Variants in IQCH observed in about 807,000 individuals in gnomAD.
IQCH encodes the protein IQ motif containing H, also known as IQ domain-containing protein H.
IQCH carries 98 observed loss-of-function variants against 117.0 expected under a neutral mutation model. The ratio of observed to expected loss-of-function variants is 0.84; its 90% CI spans 0.71 to 0.99. The LOEUF is 0.99. Among genes scored for constraint, IQCH ranks in the 50% least tolerant of loss-of-function variants. The pLI is 0.00. For missense variants in IQCH, 1,102 were observed against 1,243.8 expected (o/e 0.89, Z 1.72); for synonymous variants, 412 against 448.2 (o/e 0.92, Z 1.02).
intron 6 of IQCH, among the ~76,000 whole-genome samples, chr15:67,355,679 C>A (rs542057589): frequency 4.7e-4 from 71 of 152,112 alleles, no homozygotes; most frequent in African/African-American, 1.6e-3. Context: ...TTAACTCTGG[C>A]AAAATTTACC....
At position 67,458,163 on chromosome 15, in the gene IQCH, C is replaced by A. The variant is rs1296062722; in HGVS notation, c.2506-6964C>A. On this transcript the variant is annotated intron_variant, in intron 16 of 20. Coordinates refer to ENST00000335894, the MANE Select transcript of IQCH (RefSeq NM_001031715.3). This position sits in a 1 kb window ranked among gnomAD's most constrained non-coding sequence, Gnocchi z 4.1. The stretch of plus-strand genomic sequence containing the variant: ...AGTGCCTGAGATTTCAACCCACCCT[C>A]TATAACATGCTGTAACAAAGGCATC... Among the ~76,000 whole-genome samples the A allele has an allele frequency of 6.6e-6, 1 of 152,246 alleles. No homozygotes were observed. Among genetic ancestry groups the A allele is most frequent in the African/African-American group, 2.4e-5 (1 of 41,456 alleles).
rs1971138572 is a variant in IQCH, at chr15:67,387,322, CTATG to C, written c.1457-1500_1457-1497del. ...CCTCTAGGTCTCTAGAGAGATTTCT[CTATG>C]TATGTATGCCCTGCGTCTAGGTGTA... On this transcript the variant is annotated intron_variant, in intron 11 of 20. Coordinates refer to ENST00000335894, the MANE Select transcript of IQCH (RefSeq NM_001031715.3). The surrounding 1 kb of genome is among the most constrained non-coding windows in gnomAD (Gnocchi z 4.8). 1.3e-5 allele frequency among the ~76,000 whole-genome samples: 2 copies of C among 152,134 alleles called. No individual in the cohort carries two copies. Among genetic ancestry groups the C allele is most frequent in the Admixed American group, 6.6e-5 (1 of 15,266 alleles).
chr15:67,456,089 G>A lies in IQCH; in HGVS notation c.2506-9038G>A, dbSNP rs1343087977. 2.0e-5 allele frequency among the ~76,000 whole-genome samples: 3 copies of A among 152,082 alleles called. No individual in the cohort carries two copies. In the East Asian group the frequency reaches 5.8e-4, roughly 29 times the overall value. On this transcript the variant is annotated intron_variant, in intron 16 of 20. Coordinates refer to ENST00000335894, the MANE Select transcript of IQCH (RefSeq NM_001031715.3). The surrounding 1 kb of genome is among the most constrained non-coding windows in gnomAD (Gnocchi z 5.1). ...GAGGGAGGGTCATAAATGCATGGAG[G>A]CTGCAGAAGAAACTCAGAAAAGGAA...
chr15:67,259,516 G>A (rs1346224439), intron 1 of IQCH, among the ~76,000 whole-genome samples: 1 of 152,210 alleles, frequency 6.6e-6, no homozygotes, highest in Non-Finnish European at 1.5e-5. Flanking sequence ...TTCTTGCTAT[G>A]TACCAAGCCT....
intron 5 of IQCH, among the ~76,000 whole-genome samples, chr15:67,340,180 C>T (rs1969081878): frequency 1.3e-5 from 2 of 152,028 alleles, no homozygotes; most frequent in Admixed American, 6.6e-5. Context: ...GTAATCCCAG[C>T]ACTTTGGGAG....
chr15:67,490,302 T>C lies in IQCH; in HGVS notation c.2861+238T>C, dbSNP rs1220396424. Among the ~76,000 whole-genome samples, 1 of 151,966 alleles carries C rather than the reference T, an allele frequency of 6.6e-6. No individual in the cohort carries two copies. Among genetic ancestry groups the C allele is most frequent in the South Asian group, 2.1e-4 (1 of 4,794 alleles). On this transcript the variant is annotated intron_variant, in intron 19 of 20. Coordinates refer to ENST00000335894, the MANE Select transcript of IQCH (RefSeq NM_001031715.3). This position sits in a 1 kb window ranked among gnomAD's most constrained non-coding sequence, Gnocchi z 4.9. ...CTCACTGCAACCTCCACCTCCCGGG[T>C]TCAAGCGATTCTCCTGCCTCAGCCT...
At position 67,456,073 on chromosome 15, in the gene IQCH, T is replaced by A. The variant is rs1172157287; in HGVS notation, c.2506-9054T>A. 6.6e-6 allele frequency among the ~76,000 whole-genome samples: 1 copy of A among 151,838 alleles called. No individual in the cohort carries two copies. Among genetic ancestry groups the A allele is most frequent in the Non-Finnish European group, 1.5e-5 (1 of 67,966 alleles). On this transcript the variant is annotated intron_variant, in intron 16 of 20. Transcript: ENST00000335894. This position sits in a 1 kb window ranked among gnomAD's most constrained non-coding sequence, Gnocchi z 5.1. ...GGTCTTGAAAGTAATAGAGGGAGGG[T>A]CATAAATGCATGGAGGCTGCAGAAG...
At chr15:67,448,777 G>C (rs560240719) in intron 16 of IQCH, among the ~76,000 whole-genome samples, 1 of 152,218 alleles carries the variant, frequency 6.6e-6, no homozygotes, top group Admixed American at 6.5e-5. Context: ...GGTATTTCTA[G>C]TTGTAGATCC....
At chr15:67,349,928 A>C (rs900996764) in intron 6 of IQCH, among the ~76,000 whole-genome samples, 11 of 152,246 alleles carry the variant, frequency 7.2e-5, no homozygotes, top group African/African-American at 2.7e-4. Flanking sequence ...GTAGGGATGC[A>C]AAATGGTACA....
intron 4 of IQCH, among the ~76,000 whole-genome samples, chr15:67,312,597 A>C (rs1405475567): frequency 6.6e-6 from 1 of 152,204 alleles, no homozygotes; most frequent in African/African-American, 2.4e-5. Context: ...TAAGAATTAC[A>C]TCTTCTTGAG....
chr15:67,330,432 C>G (rs1224034011), intron 4 of IQCH, among the ~76,000 whole-genome samples: 2 of 152,180 alleles, frequency 1.3e-5, no homozygotes, highest in Non-Finnish European at 2.9e-5. Flanking sequence ...GTCCAGTGCT[C>G]CAAGCCCAAG....
Position 67,386,942 on chromosome 15 carries a change from T to G in IQCH, c.1457-1889T>G, listed in dbSNP as rs1596297359. ...GAAATTGGCAACATGATTCCTTTTATCATTTGTAACCTAGAAATTTTCTTC... is the reference window on the plus strand; with the variant it reads ...GAAATTGGCAACATGATTCCTTTTAGCATTTGTAACCTAGAAATTTTCTTC... On this transcript the variant is annotated intron_variant, in intron 11 of 20. Coordinates refer to ENST00000335894, the MANE Select transcript of IQCH (RefSeq NM_001031715.3). The surrounding 1 kb of genome is among the most constrained non-coding windows in gnomAD (Gnocchi z 5.0). Among the ~76,000 whole-genome samples, 3 of 152,302 alleles carry G rather than the reference T, an allele frequency of 2.0e-5. No individual in the cohort carries two copies. The East Asian group carries it at 5.8e-4, about 29-fold the overall frequency.
intron 10 of IQCH, among the ~76,000 whole-genome samples, chr15:67,375,829 C>A (rs1970717858): frequency 6.9e-6 from 1 of 144,444 alleles, no homozygotes; most frequent in South Asian, 2.2e-4. Flanking sequence ...CTCTGTCACC[C>A]AGGCTGGAGT....
chr15:67,264,362 A>G (rs1337135306), intron 3 of IQCH, among the ~76,000 whole-genome samples: 1 of 152,270 alleles, frequency 6.6e-6, no homozygotes, highest in Non-Finnish European at 1.5e-5. Flanking sequence ...GAATCTGGGC[A>G]CAGGTGAGCT....
At chr15:67,338,092 A>G (rs1968974435) in intron 5 of IQCH, among the ~76,000 whole-genome samples, 1 of 152,230 alleles carries the variant, frequency 6.6e-6, no homozygotes, top group Non-Finnish European at 1.5e-5. Context: ...GGAATACTGA[A>G]TAACACCAGC....
chr15:67,451,781 T>C (rs2082534299), intron 16 of IQCH, among the ~76,000 whole-genome samples: 1 of 152,318 alleles, frequency 6.6e-6, no homozygotes, highest in Admixed American at 6.5e-5. Context: ...GGTGTCCTTG[T>C]TAACTTTCTG....
At chr15:67,267,352 G>C (rs984902506) in intron 3 of IQCH, among the ~76,000 whole-genome samples, 2 of 152,108 alleles carry the variant, frequency 1.3e-5, no homozygotes, top group Non-Finnish European at 2.9e-5. Flanking sequence ...TCTCAGGGGG[G>C]CATCCTAGCA....
chr15:67,351,172 A>G lies in IQCH; in HGVS notation c.638-6173A>G, dbSNP rs368523484. On this transcript the variant is annotated intron_variant, in intron 6 of 20. Transcript: ENST00000335894. Reference sequence around the variant, plus strand: ...TGTGCCATGGTGGTTTGCTGCACCTATCAACCCATCATTTAGGTTTTAAGA... The same window carrying G: ...TGTGCCATGGTGGTTTGCTGCACCTGTCAACCCATCATTTAGGTTTTAAGA... 1.4e-4 allele frequency among the ~76,000 whole-genome samples: 22 copies of G among 152,220 alleles called. No individual in the cohort carries two copies. In the East Asian group the frequency reaches 3.5e-3, roughly 24 times the overall value.
In IQCH at chr15:67,466,224, C is replaced by G. The variant is rs1353696695; in HGVS notation, c.2676+927C>G. Among the ~76,000 whole-genome samples, 1 of 152,136 alleles carries G rather than the reference C, an allele frequency of 6.6e-6. No individual in the cohort carries two copies. The highest frequency in any genetic ancestry group is 1.5e-5 in the Non-Finnish European group (1 of 68,034). ...AACAAAGGGCATAGCCCCATGGGGACAGTGGGTGCTTGATTGAGTAGGCTA... is the reference window on the plus strand; with the variant it reads ...AACAAAGGGCATAGCCCCATGGGGAGAGTGGGTGCTTGATTGAGTAGGCTA... On this transcript the variant is annotated intron_variant, in intron 17 of 20. Transcript: ENST00000335894. The surrounding 1 kb of genome is among the most constrained non-coding windows in gnomAD (Gnocchi z 4.4).
Sources: gnomAD v4.1 joint callset for allele counts (sites outside exome capture counted in the v4.1 genomes callset) on GRCh38, gnomAD v4.1.1 for gene constraint, Gnocchi (gnomAD v3.1) non-coding constraint, MANE v1.5 for transcripts, NCBI Gene and HGNC (gene_info 2026-07-23, HGNC 2026-07-21) for gene names.